Variants in PC observed in about 807,000 individuals in gnomAD.
The protein encoded by PC is pyruvate carboxylase.
PC carries 46 observed loss-of-function variants against 107.8 expected under a neutral mutation model. The ratio of observed to expected loss-of-function variants is 0.43; its 90% CI spans 0.34 to 0.55. PC has a LOEUF of 0.55. Ranked by LOEUF, PC falls within the 20% of genes least tolerant of loss-of-function variation. The probability of loss-of-function intolerance (pLI) is 0.04; values close to 1 mark genes in which losing one functional copy is unlikely to be tolerated. For missense variants in PC, 1,241 were observed against 1,643.1 expected, an observed-to-expected ratio of 0.76 and a Z score of 4.23; for synonymous variants, 662 against 684.7, an observed-to-expected ratio of 0.97 and a Z score of 0.52.
intron 3 of PC, among the ~76,000 whole-genome samples, chr11:66,901,100 C>T (rs1043877288): frequency 2.0e-5 from 3 of 152,142 alleles, no homozygotes; most frequent in African/African-American, 7.2e-5. Flanking sequence ...AGCTCTCATC[C>T]CCCCTGCTTT....
In PC at chr11:66,853,232, G is replaced by A; in HGVS notation, c.1513+7C>T. 1 of 1,613,566 alleles carries A rather than the reference G, an allele frequency of 6.2e-7. No individual in the cohort carries two copies. The highest frequency in any genetic ancestry group is 8.5e-7 in the Non-Finnish European group (1 of 1,179,816). ...GGAGGGCAGGGCAGGGCAGTCTCGG[G>A]CCAGACCGAGGTAGTGCAACAGCTT... On this transcript the variant is annotated splice_region_variant and intron_variant, in intron 13 of 22. Coordinates refer to ENST00000393960, the MANE Select transcript of PC (RefSeq NM_001040716.2).
intron 12 of PC, chr11:66,859,016 T>C: frequency 1.3e-6 from 2 of 1,512,590 alleles, no homozygotes; most frequent in South Asian, 1.3e-5. Context: ...TGAGCTGGGG[T>C]CCCGGGCGGC....
chr11:66,885,243 C>G (rs1281301471), intron 3 of PC, among the ~76,000 whole-genome samples: 1 of 152,190 alleles, frequency 6.6e-6, no homozygotes, highest in Non-Finnish European at 1.5e-5. Flanking sequence ...AATCCCAGCA[C>G]TTTCGGAGGC....
chr11:66,906,181 C>T (rs978261830), intron 3 of PC, among the ~76,000 whole-genome samples: 5 of 152,114 alleles, frequency 3.3e-5, no homozygotes, highest in Non-Finnish European at 5.9e-5. Context: ...TTTAAGGGAA[C>T]GATATGCAGC....
chr11:66,893,736 T>C (rs1947652009), intron 3 of PC, among the ~76,000 whole-genome samples: 1 of 152,098 alleles, frequency 6.6e-6, no homozygotes, highest in East Asian at 1.9e-4. Flanking sequence ...AAAATCACGC[T>C]TTTTGGTGGA....
In PC at chr11:66,871,364, G is replaced by C; in HGVS notation, c.438C>G (p.Val146=). Residue 146 remains valine (V), a synonymous_variant, in exon 6 of 23, where the codon GTC becomes GTG. Transcript: ENST00000393960. This position sits in a 1 kb window ranked among gnomAD's most constrained non-coding sequence, Gnocchi z 7.4. ...VRFIGPSPEV[V]RKMGDKVEAR... is the part of the protein sequence containing the mutation. Reference sequence around the variant, plus strand: ...CCTCCACCTTGTCTCCCATCTTGCGGACCACTTCTGGGCTTGGCCCAATAA... The same window carrying C: ...CCTCCACCTTGTCTCCCATCTTGCGCACCACTTCTGGGCTTGGCCCAATAA... 6.2e-7 allele frequency: 1 copy of C among 1,613,842 alleles called. No homozygotes were observed. Among genetic ancestry groups the C allele is most frequent in the Non-Finnish European group, 8.5e-7 (1 of 1,180,030 alleles).
At chr11:66,943,490 A>G (rs145616095) in intron 3 of PC, among the ~76,000 whole-genome samples, 5,748 of 151,468 alleles carry the variant, frequency 0.038, 337 homozygotes, top group African/African-American at 0.13. Flanking sequence ...TGTAATCCCA[A>G]CACTTTGGGA....
At chr11:66,937,050 G>A (rs1949018452) in intron 3 of PC, among the ~76,000 whole-genome samples, 1 of 152,084 alleles carries the variant, frequency 6.6e-6, no homozygotes, top group Non-Finnish European at 1.5e-5. Context: ...CGCCATGTTG[G>A]TCAGGCTGGT....
intron 3 of PC, among the ~76,000 whole-genome samples, chr11:66,924,180 C>T (rs111682462): frequency 3.6e-5 from 5 of 138,218 alleles, no homozygotes; most frequent in African/African-American, 1.4e-4. Context: ...CTAGCCTGGG[C>T]GACAGAGCAA....
Position 66,850,260 on chromosome 11 carries a change from G to A in PC, c.2678C>T (p.Ala893Val), listed in dbSNP as rs756141111. The A allele has an allele frequency of 2.5e-6, 4 of 1,614,112 alleles. No homozygotes were observed. The highest frequency in any genetic ancestry group is 1.1e-5 in the South Asian group (1 of 91,088). ...CAGCATCTGGTTGGCCTCCACATAG[G>A]CCTTCTTGACCTCCTTGAACTTGGA... ...LGSKFKEVKK[A>V]YVEANQMLGD... is the part of the protein sequence containing the mutation. The change falls in exon 19 of 23, where the codon GCC becomes GTC. Residue 893 changes from alanine (A) to valine (V), a missense_variant. Around this residue, in one of 2 missense-constraint regions of PC, gnomAD observed 1,143 missense variants for 1,551.9 expected, o/e 0.74. Coordinates refer to ENST00000393960, the MANE Select transcript of PC (RefSeq NM_001040716.2).
intron 3 of PC, among the ~76,000 whole-genome samples, chr11:66,874,958 G>A (rs1185995661): frequency 6.6e-6 from 1 of 152,182 alleles, no homozygotes; most frequent in Non-Finnish European, 1.5e-5. Context: ...AAAGCTCCAG[G>A]AAGAAGGGAT....
chr11:66,853,453 T>A, intron 12 of PC, 70 bp from the exon 13 acceptor site: 5 of 1,587,194 alleles, frequency 3.2e-6, no homozygotes, highest in Non-Finnish European at 4.3e-6. Flanking sequence ...GAGAAAAGGC[T>A]GAAAGAGAAA....
At chr11:66,956,250 C>T (rs115321837) in intron 1 of PC, among the ~76,000 whole-genome samples, 173 of 152,236 alleles carry the variant, frequency 1.1e-3, no homozygotes, top group African/African-American at 4.1e-3. Flanking sequence ...ATTCTCCTTC[C>T]ACCTTCCTCA....
chr11:66,931,845 A>G (rs1049198343), intron 3 of PC, among the ~76,000 whole-genome samples: 6 of 151,894 alleles, frequency 4.0e-5, no homozygotes, highest in African/African-American at 1.2e-4. Context: ...GTGAAACCCC[A>G]TCTCTACTAA....
At chr11:66,876,513 G>A (rs1946983591) in intron 3 of PC, among the ~76,000 whole-genome samples, 1 of 152,238 alleles carries the variant, frequency 6.6e-6, no homozygotes, top group Admixed American at 6.5e-5. Context: ...GGGAGTGCAT[G>A]CCCCAGCACC....
chr11:66,876,764 C>T (rs543941277), intron 3 of PC, among the ~76,000 whole-genome samples: 9 of 152,336 alleles, frequency 5.9e-5, no homozygotes, highest in Non-Finnish European at 1.2e-4. Context: ...TCTCACCCTC[C>T]TCCTGGGCAC....
chr11:66,941,480 G>A (rs138047149), intron 3 of PC, among the ~76,000 whole-genome samples: 22 of 152,228 alleles, frequency 1.4e-4, no homozygotes, highest in South Asian at 1.0e-3. Context: ...TCCATACAAC[G>A]GAATATCATT....
At position 66,929,999 on chromosome 11, in the gene PC, C is replaced by T. The variant is rs75577344; in HGVS notation, c.-1+22431G>A. Among the ~76,000 whole-genome samples, 289 of 152,186 alleles carry T rather than the reference C, an allele frequency of 1.9e-3. 1 individual carries two copies. Among genetic ancestry groups the T allele is most frequent in the African/African-American group, 6.7e-3 (279 of 41,514 alleles). ...AAAGCCTCAAAAGGTCACAGAAGCACGGCCCAGAGCCCAGCCACGGTGGGA... is the reference window on the plus strand; with the variant it reads ...AAAGCCTCAAAAGGTCACAGAAGCATGGCCCAGAGCCCAGCCACGGTGGGA... On this transcript the variant is annotated intron_variant, in intron 3 of 22. Transcript: ENST00000393960.
intron 3 of PC, among the ~76,000 whole-genome samples, chr11:66,932,542 G>C (rs531765508): frequency 1.3e-5 from 2 of 152,276 alleles, no homozygotes; most frequent in Non-Finnish European, 2.9e-5. Flanking sequence ...CAAAAATCTC[G>C]CAGATGCAGT....
Sources: gnomAD v4.1 joint callset for allele counts (sites outside exome capture counted in the v4.1 genomes callset) on GRCh38, gnomAD v4.1.1 for gene constraint, gnomAD v4.1.1 regional missense constraint, Gnocchi (gnomAD v3.1) non-coding constraint, MANE v1.5 for transcripts, NCBI Gene and HGNC (gene_info 2026-07-23, HGNC 2026-07-21) for gene names.